The following SORCS3 variants were observed in gnomAD, a reference collection of about 807,000 sequenced individuals.
SORCS3 encodes the protein sortilin related VPS10 domain containing receptor 3.
SORCS3 carries 57 observed loss-of-function variants against 146.3 expected under a neutral mutation model. The observed-to-expected ratio is 0.39, with a 90% confidence interval of 0.31 to 0.49. The LOEUF (loss-of-function observed/expected upper bound fraction) is 0.49, where lower values mean the gene tolerates loss of function less well. SORCS3 is among the 20% of genes least tolerant of loss of function. The probability of loss-of-function intolerance (pLI) is 0.92; values close to 1 mark genes in which losing one functional copy is unlikely to be tolerated. For synonymous variants in SORCS3, 653 were observed against 618.5 expected (o/e 1.06, Z -0.83); for missense variants, 1,341 against 1,575.5 (o/e 0.85, Z 2.52).
intron 1 of SORCS3, among the ~76,000 whole-genome samples, chr10:104,663,080 C>T (rs558551637): frequency 5.3e-4 from 80 of 152,294 alleles, no homozygotes; most frequent in Admixed American, 2.4e-3. Context: ...TGGGAGCTGC[C>T]GGCTGCCTTC....
intron 7 of SORCS3, among the ~76,000 whole-genome samples, chr10:105,120,309 C>T (rs1470792031): frequency 6.6e-6 from 1 of 152,102 alleles, no homozygotes; most frequent in African/African-American, 2.4e-5. Context: ...CAATTAAACC[C>T]CTTTTCTCCT....
At chr10:104,901,025 A>G (rs1344311197) in intron 2 of SORCS3, among the ~76,000 whole-genome samples, 1 of 152,104 alleles carries the variant, frequency 6.6e-6, no homozygotes, top group Admixed American at 6.5e-5. Flanking sequence ...TTGACCTTCC[A>G]ATACTCAACC....
At position 104,652,661 on chromosome 10, in the gene SORCS3, G is replaced by A. The variant is rs1273805247; in HGVS notation, c.627+10707G>A. Among the ~76,000 whole-genome samples the A allele has an allele frequency of 2.0e-5, 3 of 152,102 alleles. No homozygotes were observed. In the East Asian group the frequency reaches 5.8e-4, roughly 29 times the overall value. ...AAAAACCCCAAGATTCTTATTCCAG[G>A]CGTGTTGTACAATTTTTTTCAAGTC... On this transcript the variant is annotated intron_variant, in intron 1 of 26. Transcript: ENST00000369701.
At chr10:104,724,235 A>G (rs1227959263) in intron 1 of SORCS3, among the ~76,000 whole-genome samples, 1 of 152,194 alleles carries the variant, frequency 6.6e-6, no homozygotes, top group African/African-American at 2.4e-5. Flanking sequence ...TCACTTATGA[A>G]GCTTAGTTTG....
intron 4 of SORCS3, among the ~76,000 whole-genome samples, chr10:105,004,354 C>A (rs2055080770): frequency 6.6e-6 from 1 of 152,154 alleles, no homozygotes; most frequent in South Asian, 2.1e-4. Flanking sequence ...AGCAACATGG[C>A]ATGGCAAGGC....
intron 3 of SORCS3, among the ~76,000 whole-genome samples, chr10:104,963,878 G>A (rs896331941): frequency 1.3e-5 from 2 of 152,100 alleles, no homozygotes; most frequent in South Asian, 4.1e-4. Flanking sequence ...TGAGATGAAT[G>A]TACAGTTTAA....
intron 1 of SORCS3, among the ~76,000 whole-genome samples, chr10:104,677,124 G>C (rs187305734): frequency 1.3e-5 from 2 of 152,316 alleles, no homozygotes; most frequent in East Asian, 1.9e-4. Flanking sequence ...CAAGGTTCAG[G>C]CTGTAGTGAA....
intron 20 of SORCS3, among the ~76,000 whole-genome samples, chr10:105,228,329 C>G (rs1232956629): frequency 6.6e-6 from 1 of 151,600 alleles, no homozygotes; most frequent in Non-Finnish European, 1.5e-5. Flanking sequence ...CTCCATCACT[C>G]CCTCCATCCC....
chr10:105,214,467 T>C lies in SORCS3; in HGVS notation c.2401T>C (p.Cys801Arg). 4 of 1,614,106 alleles carry C rather than the reference T, an allele frequency of 2.5e-6. No individual in the cohort carries two copies. Among genetic ancestry groups the C allele is most frequent in the Non-Finnish European group, 3.4e-6 (4 of 1,180,020 alleles). Reference protein sequence around the residue: ...TGYRRIVSNNCTDGLREKYTA... With the variant: ...TGYRRIVSNNRTDGLREKYTA... Reference sequence around the variant, plus strand: ...GTATCGGCGGATTGTGTCCAACAACTGCACAGATGGGCTAAGGGAGAAGTA... The same window carrying C: ...GTATCGGCGGATTGTGTCCAACAACCGCACAGATGGGCTAAGGGAGAAGTA... The change falls in exon 18 of 27, where the codon TGC (cysteine) becomes CGC (arginine). Residue 801 changes from cysteine to arginine, a missense_variant. Cys to Arg is a radical substitution (Grantham distance 180). Transcript: ENST00000369701.
intron 19 of SORCS3, among the ~76,000 whole-genome samples, chr10:105,220,394 T>A (rs2056693869): frequency 1.3e-5 from 2 of 152,210 alleles, no homozygotes; most frequent in Non-Finnish European, 2.9e-5. Context: ...TCTCCTTTTA[T>A]CTTCTTGGGT....
At chr10:104,792,062 T>A (rs1178908360) in intron 1 of SORCS3, among the ~76,000 whole-genome samples, 5 of 152,150 alleles carry the variant, frequency 3.3e-5, no homozygotes, top group Admixed American at 6.5e-5. Flanking sequence ...ATCAGAGTTG[T>A]TATATTTCTA....
intron 3 of SORCS3, among the ~76,000 whole-genome samples, chr10:104,946,972 G>T (rs1210377932): frequency 6.6e-6 from 1 of 152,168 alleles, no homozygotes; most frequent in African/African-American, 2.4e-5. Flanking sequence ...ATGAAACTGT[G>T]CTGAGGTTCA....
chr10:104,875,249 C>T (rs2018559642), intron 2 of SORCS3, among the ~76,000 whole-genome samples: 1 of 152,182 alleles, frequency 6.6e-6, no homozygotes, highest in African/African-American at 2.4e-5. Context: ...ACCCTGACTT[C>T]TGAAGTGGGA....
intron 2 of SORCS3, among the ~76,000 whole-genome samples, chr10:104,892,583 C>T (rs182156948): frequency 3.3e-5 from 5 of 152,108 alleles, no homozygotes; most frequent in Admixed American, 2.6e-4. Context: ...ATTAGCAGGG[C>T]GTGGTGGCGT....
intron 1 of SORCS3, among the ~76,000 whole-genome samples, chr10:104,824,811 G>A (rs79986155): frequency 0.014 from 2,198 of 152,232 alleles, 55 homozygotes; most frequent in African/African-American, 0.05. Flanking sequence ...GTTTGGCTGG[G>A]AGCTCTTTTA....
At chr10:105,073,472 G>T (rs1221570873) in intron 5 of SORCS3, among the ~76,000 whole-genome samples, 2 of 152,202 alleles carry the variant, frequency 1.3e-5, no homozygotes, top group African/African-American at 4.8e-5. Flanking sequence ...CACCCAAGAT[G>T]CCCTTGCTTG....
At chr10:105,107,463 T>G (rs985863925) in intron 7 of SORCS3, among the ~76,000 whole-genome samples, 8 of 152,188 alleles carry the variant, frequency 5.3e-5, no homozygotes, top group African/African-American at 1.9e-4. Context: ...CATTTTTCCT[T>G]GTGTTCCATA....
intron 1 of SORCS3, among the ~76,000 whole-genome samples, chr10:104,764,998 A>T (rs2017163018): frequency 1.3e-5 from 2 of 152,348 alleles, no homozygotes; most frequent in Admixed American, 1.3e-4. Context: ...CTGCCATCAC[A>T]GAGGTCAGGG....
intron 4 of SORCS3, among the ~76,000 whole-genome samples, chr10:104,983,704 A>G (rs950637691): frequency 4.0e-5 from 6 of 151,458 alleles, no homozygotes; most frequent in Non-Finnish European, 5.9e-5. Context: ...TTGAATCCAG[A>G]TCCTAGATTT....
Sources: allele counts gnomAD v4.1 joint callset (sites outside exome capture counted in the v4.1 genomes callset), GRCh38; gene constraint gnomAD v4.1.1; transcripts MANE v1.5; gene names NCBI Gene and HGNC (gene_info 2026-07-23, HGNC 2026-07-21).